RIOX1: variants seen among roughly 807,000 people sequenced by gnomAD.
The protein encoded by RIOX1 is 60S ribosomal protein L8 histidine hydroxylase.
A neutral mutation model predicts 44.6 loss-of-function variants in RIOX1; 33 were observed. The ratio of observed to expected loss-of-function variants is 0.74; its 90% confidence interval spans 0.56 to 0.99. The LOEUF (loss-of-function observed/expected upper bound fraction) is 0.99, where lower values mean the gene tolerates loss of function less well. RIOX1 is among the 50% of genes least tolerant of loss of function. The pLI, the probability that RIOX1 is intolerant of heterozygous loss-of-function variation, is 0.00. For synonymous variants in RIOX1, 387 were observed against 395.8 expected (o/e 0.98, Z 0.26); for missense variants, 821 against 871.7 (o/e 0.94, Z 0.73).
chr14:73,493,245 C>T lies in RIOX1; in HGVS notation c.*302C>T. ...GTGTACTGGGTAACACTGACCATGT[C>T]GTTCTGCTTGAGACAGATATTAGAT... On this transcript the variant is annotated 3_prime_UTR_variant, in exon 1 of 1. Transcript: ENST00000304061. 9.0e-6 allele frequency: 7 copies of T among 781,808 alleles called. No individual in the cohort carries two copies. The East Asian group carries it at 1.7e-4, about 20-fold the overall frequency. 48.4% of individuals were successfully genotyped at this position (781,808 alleles called of 1,614,324 possible).
Position 73,492,751 on chromosome 14 carries a change from T to C in RIOX1, c.1734T>C (p.His578=), listed in dbSNP as rs779248928. The C allele has an allele frequency of 3.1e-6, 5 of 1,613,968 alleles. No homozygotes were observed. Among genetic ancestry groups the C allele is most frequent in the Admixed American group, 1.7e-5 (1 of 59,998 alleles). ...CAGTGGAAAACTCCCGTGTGTATCA[T>C]CTGGAAGAACCCAAGTGCTTGGAAA... The part of the protein sequence containing the change: ...YYTVENSRVY[H]LEEPKCLEIY... Residue 578 remains histidine, a synonymous_variant, in exon 1 of 1, where the codon CAT becomes CAC. Coordinates refer to ENST00000304061, the MANE Select transcript of RIOX1 (RefSeq NM_024644.5). The surrounding 1 kb of genome is among the most constrained non-coding windows in gnomAD (Gnocchi z 4.9).
At position 73,492,407 on chromosome 14, in the gene RIOX1, G is replaced by T. The variant is rs752096493; in HGVS notation, c.1390G>T (p.Ala464Ser). The change falls in exon 1 of 1, where the codon GCC becomes TCC. Residue 464 changes from alanine to serine, a missense_variant. Coordinates refer to ENST00000304061, the MANE Select transcript of RIOX1 (RefSeq NM_024644.5). The surrounding 1 kb of genome is among the most constrained non-coding windows in gnomAD (Gnocchi z 4.9). ...CCGAGACTTCATGGATTACATGGGGGCCCAGCATTCAGATTCTAAGGATCC... is the reference window on the plus strand; with the variant it reads ...CCGAGACTTCATGGATTACATGGGGTCCCAGCATTCAGATTCTAAGGATCC... The part of the protein sequence containing the change: ...LPRDFMDYMG[A>S]QHSDSKDPRR... 3 of 1,613,810 alleles carry T rather than the reference G, an allele frequency of 1.9e-6. No individual in the cohort carries two copies. Among genetic ancestry groups the T allele is most frequent in the East Asian group, 4.5e-5 (2 of 44,872 alleles).
chr14:73,493,044 G>A lies in RIOX1; in HGVS notation c.*101G>A, dbSNP rs781714018. The A allele has an allele frequency of 1.3e-5, 21 of 1,583,746 alleles. No homozygotes were observed. The highest frequency in any genetic ancestry group is 1.8e-5 in the Non-Finnish European group (21 of 1,164,446). ...TAAACTCACGTTCTTACCTTGATAA[G>A]CATCAGTGTGCTCACATTTACCTTT... On this transcript the variant is annotated 3_prime_UTR_variant, in exon 1 of 1. Coordinates refer to ENST00000304061, the MANE Select transcript of RIOX1 (RefSeq NM_024644.5).
At position 73,492,892 on chromosome 14, in the gene RIOX1, G is replaced by T. The variant is rs3742846; in HGVS notation, c.1875G>T (p.Thr625=). ...AGGACCAGCTGTCCTTGGCAACCAC[G>T]TTGTATGATAAGGGGCTGCTGCTCA... ...SVEDQLSLAT[T]LYDKGLLLTK... is the part of the protein sequence containing the mutation. The change falls in exon 1 of 1, where the codon ACG becomes ACT. Residue 625 remains threonine (T), a synonymous_variant. Transcript: ENST00000304061. The surrounding 1 kb of genome is among the most constrained non-coding windows in gnomAD (Gnocchi z 4.9). The T allele has an allele frequency of 1.2e-6, 2 of 1,613,746 alleles. No homozygotes were observed. The highest frequency in any genetic ancestry group is 4.5e-5 in the East Asian group (2 of 44,884).
In RIOX1 at chr14:73,492,085, C is replaced by T; in HGVS notation, c.1068C>T (p.Leu356=). ...AFVLQLEGRK[L]WRVYRPRVPT... ...TGCTGCAGCTGGAAGGTAGGAAACTCTGGCGTGTATACCGACCCCGAGTCC... is the reference window on the plus strand; with the variant it reads ...TGCTGCAGCTGGAAGGTAGGAAACTTTGGCGTGTATACCGACCCCGAGTCC... Residue 356 remains leucine, a synonymous_variant, in exon 1 of 1, where the codon CTC becomes CTT. Coordinates refer to ENST00000304061, the MANE Select transcript of RIOX1 (RefSeq NM_024644.5). The surrounding 1 kb of genome is among the most constrained non-coding windows in gnomAD (Gnocchi z 4.9). 6.2e-7 allele frequency: 1 copy of T among 1,613,992 alleles called. No individual in the cohort carries two copies. The highest frequency in any genetic ancestry group is 8.5e-7 in the Non-Finnish European group (1 of 1,179,884).
At position 73,491,398 on chromosome 14, in the gene RIOX1, G is replaced by A. The variant is rs534669266; in HGVS notation, c.381G>A (p.Ala127=). Residue 127 remains alanine, a synonymous_variant, in exon 1 of 1, where the codon GCG becomes GCA. Transcript: ENST00000304061. ...TPSARLVPAS[A]PPARLVEVPA... ...CGGCGCGCCTGGTGCCCGCTTCCGC[G>A]CCGCCCGCGCGCCTGGTGGAGGTGC... 1 of 1,346,102 alleles carries A rather than the reference G, an allele frequency of 7.4e-7. No homozygotes were observed. The highest frequency in any genetic ancestry group is 2.7e-4 in the Middle Eastern group (1 of 3,708). The allele number at this position is 1,346,102 out of a possible 1,614,324, so 83.4% of individuals were successfully genotyped here. A position where few individuals can be genotyped will look rare whatever the true frequency, so the allele number is the denominator to read the frequency against.
Position 73,491,404 on chromosome 14 carries a change from C to A in RIOX1, c.387C>A (p.Pro129=). Reference sequence around the variant, plus strand: ...GCCTGGTGCCCGCTTCCGCGCCGCCCGCGCGCCTGGTGGAGGTGCCCGCCG... The same window carrying A: ...GCCTGGTGCCCGCTTCCGCGCCGCCAGCGCGCCTGGTGGAGGTGCCCGCCG... ...SARLVPASAP[P]ARLVEVPAAP... The change falls in exon 1 of 1, where the codon CCC becomes CCA. Residue 129 remains proline, a synonymous_variant. Transcript: ENST00000304061. 7.4e-7 allele frequency: 1 copy of A among 1,346,012 alleles called. No homozygotes were observed. Among genetic ancestry groups the A allele is most frequent in the Non-Finnish European group, 9.5e-7 (1 of 1,057,642 alleles). 83.4% of individuals were successfully genotyped at this position (1,346,012 alleles called of 1,614,324 possible).
Position 73,491,743 on chromosome 14 carries a change from C to A in RIOX1, c.726C>A (p.Phe242Leu). 6.4e-7 allele frequency: 1 copy of A among 1,555,918 alleles called. No individual in the cohort carries two copies. The highest frequency in any genetic ancestry group is 8.7e-7 in the Non-Finnish European group (1 of 1,149,946). Residue 242 changes from phenylalanine to leucine, a missense_variant, in exon 1 of 1, where the codon TTC (phenylalanine) becomes TTA (leucine). By Grantham distance (22) the Phe-to-Leu change is conservative. Around this residue, in one of 2 missense-constraint regions of RIOX1, gnomAD observed 554 missense variants for 531.2 expected, o/e 1.04. Coordinates refer to ENST00000304061, the MANE Select transcript of RIOX1 (RefSeq NM_024644.5). The stretch of plus-strand genomic sequence containing the variant: ...ACCACACCTACTACCAGGGACTTTT[C>A]TCTACCGCTGACCTGGATTCGATGC... ...RQDHTYYQGLFSTADLDSMLR... is the reference protein window; with the variant it reads ...RQDHTYYQGLLSTADLDSMLR...
In RIOX1 at chr14:73,492,412, G is replaced by C. The variant is rs1885830507; in HGVS notation, c.1395G>C (p.Gln465His). Residue 465 changes from glutamine to histidine, a missense_variant, in exon 1 of 1, where the codon CAG (glutamine) becomes CAC (histidine). This residue lies in a region of RIOX1 where 267 missense variants were observed against 340.5 expected (regional missense o/e 0.78). Transcript: ENST00000304061. The surrounding 1 kb of genome is among the most constrained non-coding windows in gnomAD (Gnocchi z 4.9). Reference sequence around the variant, plus strand: ...ACTTCATGGATTACATGGGGGCCCAGCATTCAGATTCTAAGGATCCGCGAA... The same window carrying C: ...ACTTCATGGATTACATGGGGGCCCACCATTCAGATTCTAAGGATCCGCGAA... ...PRDFMDYMGAQHSDSKDPRRT... is the reference protein window; with the variant it reads ...PRDFMDYMGAHHSDSKDPRRT... 3 of 1,613,746 alleles carry C rather than the reference G, an allele frequency of 1.9e-6. No individual in the cohort carries two copies. Among genetic ancestry groups the C allele is most frequent in the Admixed American group, 3.3e-5 (2 of 59,992 alleles).
Position 73,492,623 on chromosome 14 carries a change from G to A in RIOX1, c.1606G>A (p.Val536Ile). 1 of 1,614,024 alleles carries A rather than the reference G, an allele frequency of 6.2e-7. No individual in the cohort carries two copies. Among genetic ancestry groups the A allele is most frequent in the South Asian group, 1.1e-5 (1 of 91,078 alleles). The change falls in exon 1 of 1, where the codon GTA becomes ATA. Residue 536 changes from valine to isoleucine, a missense_variant. Physicochemically the swap from Val to Ile is conservative, Grantham distance 29 (BLOSUM62 3). Coordinates refer to ENST00000304061, the MANE Select transcript of RIOX1 (RefSeq NM_024644.5). This position sits in a 1 kb window ranked among gnomAD's most constrained non-coding sequence, Gnocchi z 4.9. ...LPIRWEAGEPVNVGAQLTTET... is the reference protein window; with the variant it reads ...LPIRWEAGEPINVGAQLTTET... ...AATTCGCTGGGAGGCTGGAGAACCT[G>A]TAAACGTGGGGGCCCAGTTGACAAC... is the stretch of plus-strand genomic sequence containing the variant.
At position 73,493,063 on chromosome 14, in the gene RIOX1, T is replaced by C. The variant is rs771660018; in HGVS notation, c.*120T>C. 5.0e-6 allele frequency: 8 copies of C among 1,612,752 alleles called. No individual in the cohort carries two copies. Among genetic ancestry groups the C allele is most frequent in the Non-Finnish European group, 6.8e-6 (8 of 1,179,326 alleles). On this transcript the variant is annotated 3_prime_UTR_variant, in exon 1 of 1. Coordinates refer to ENST00000304061, the MANE Select transcript of RIOX1 (RefSeq NM_024644.5). ...TGATAAGCATCAGTGTGCTCACATT[T>C]ACCTTTATCACTGCTTCAGTGTCAC...
chr14:73,491,507 CCTGCGACGGCGT>C lies in RIOX1; in HGVS notation c.492_503del (p.Ala165_Ser168del), dbSNP rs538565606. ...AGCGGCCGTCCAGTCGTCCGGGGCCCCTGCGACGGCGTCGGGGCCGCAGGTGGATAACACGGG... is the reference window on the plus strand; with the variant it reads ...AGCGGCCGTCCAGTCGTCCGGGGCCCCGGGGCCGCAGGTGGATAACACGGG... On this transcript the variant is annotated inframe_deletion, in exon 1 of 1. Transcript: ENST00000304061. 2,089 of 1,515,122 alleles carry C rather than the reference CCTGCGACGGCGT, an allele frequency of 1.4e-3. 28 individuals carry two copies. The African/African-American group carries it at 0.026, about 19-fold the overall frequency. 93.9% of individuals were successfully genotyped at this position (1,515,122 alleles called of 1,614,324 possible).
chr14:73,491,363 C>T lies in RIOX1; in HGVS notation c.346C>T (p.Gln116Ter), dbSNP rs1176658515. 1 of 1,376,270 alleles carries T rather than the reference C, an allele frequency of 7.3e-7. No homozygotes were observed. The highest frequency in any genetic ancestry group is 9.3e-7 in the Non-Finnish European group (1 of 1,069,912). 85.3% of individuals were successfully genotyped at this position (1,376,270 alleles called of 1,614,324 possible). ...GGCCTCGCCCGCCGCGCGCTCCCTG[C>T]AGACCCCGTCGGCGCGCCTGGTGCC... Reference protein sequence around the residue: ...LEASPAARSLQTPSARLVPAS... With the variant: ...LEASPAARSL Residue 116 changes from glutamine (Q) to a stop codon, truncating the protein, a stop_gained, in exon 1 of 1, where the codon CAG becomes TAG. Coordinates refer to ENST00000304061, the MANE Select transcript of RIOX1 (RefSeq NM_024644.5). LOFTEE classifies it high-confidence loss of function.
Position 73,491,229 on chromosome 14 carries a change from C to T in RIOX1, c.212C>T (p.Thr71Met). ...TCGGAGGAATCGAGGGTGGAGTCGACGGCCGACGACCTGGGGGACGCGCTA... is the reference window on the plus strand; with the variant it reads ...TCGGAGGAATCGAGGGTGGAGTCGATGGCCGACGACCTGGGGGACGCGCTA... ...ENSEESRVES[T>M]ADDLGDALPG... Residue 71 changes from threonine (T) to methionine (M), a missense_variant, in exon 1 of 1, where the codon ACG (threonine) becomes ATG (methionine). Around this residue, in one of 2 missense-constraint regions of RIOX1, gnomAD observed 554 missense variants for 531.2 expected, o/e 1.04. Coordinates refer to ENST00000304061, the MANE Select transcript of RIOX1 (RefSeq NM_024644.5). 1.3e-6 allele frequency: 2 copies of T among 1,590,106 alleles called. No individual in the cohort carries two copies. The highest frequency in any genetic ancestry group is 2.3e-5 in the East Asian group (1 of 43,690).
rs200766349 is a variant in RIOX1, at chr14:73,491,937, C to G, written c.920C>G (p.Thr307Ser). Residue 307 changes from threonine (T) to serine (S), a missense_variant, in exon 1 of 1, where the codon ACT becomes AGT. Transcript: ENST00000304061. Reference protein sequence around the residue: ...RLLCPQAFSTTVWQFLAVLQE... With the variant: ...RLLCPQAFSTSVWQFLAVLQE... ...CTCTGTCCGCAGGCTTTCTCTACTA[C>G]TGTGTGGCAGTTTTTGGCTGTGCTT... 5.2e-4 allele frequency: 835 copies of G among 1,613,688 alleles called. No homozygotes were observed. The highest frequency in any genetic ancestry group is 6.7e-4 in the Non-Finnish European group (796 of 1,179,814).
Position 73,491,394 on chromosome 14 carries a change from C to A in RIOX1, c.377C>A (p.Ser126Tyr). ...CCGTCGGCGCGCCTGGTGCCCGCTT[C>A]CGCGCCGCCCGCGCGCCTGGTGGAG... Reference protein sequence around the residue: ...QTPSARLVPASAPPARLVEVP... With the variant: ...QTPSARLVPAYAPPARLVEVP... Residue 126 changes from serine (S) to tyrosine (Y), a missense_variant, in exon 1 of 1, where the codon TCC becomes TAC. This residue lies in a region of RIOX1 where 554 missense variants were observed against 531.2 expected (regional missense o/e 1.04). Coordinates refer to ENST00000304061, the MANE Select transcript of RIOX1 (RefSeq NM_024644.5). 2 of 1,349,034 alleles carry A rather than the reference C, an allele frequency of 1.5e-6. No individual in the cohort carries two copies. The highest frequency in any genetic ancestry group is 1.9e-6 in the Non-Finnish European group (2 of 1,059,118). The allele number at this position is 1,349,034 out of a possible 1,614,324, so 83.6% of individuals were successfully genotyped here.
rs1275016975 is a variant in RIOX1, at chr14:73,491,735, G to A, written c.718G>A (p.Gly240Arg). The A allele has an allele frequency of 6.4e-7, 1 of 1,554,072 alleles. No individual in the cohort carries two copies. The highest frequency in any genetic ancestry group is 8.7e-7 in the Non-Finnish European group (1 of 1,148,940). The change falls in exon 1 of 1, where the codon GGA (glycine) becomes AGA (arginine). Residue 240 changes from glycine to arginine, a missense_variant. Gly to Arg is a moderately radical substitution (Grantham distance 125). Transcript: ENST00000304061. Reference protein sequence around the residue: ...VRRQDHTYYQGLFSTADLDSM... With the variant: ...VRRQDHTYYQRLFSTADLDSM... Reference sequence around the variant, plus strand: ...GCGGCAGGACCACACCTACTACCAGGGACTTTTCTCTACCGCTGACCTGGA... The same window carrying A: ...GCGGCAGGACCACACCTACTACCAGAGACTTTTCTCTACCGCTGACCTGGA...
At position 73,493,065 on chromosome 14, in the gene RIOX1, C is replaced by G; in HGVS notation, c.*122C>G. Reference sequence around the variant, plus strand: ...ATAAGCATCAGTGTGCTCACATTTACCTTTATCACTGCTTCAGTGTCACAA... The same window carrying G: ...ATAAGCATCAGTGTGCTCACATTTAGCTTTATCACTGCTTCAGTGTCACAA... On this transcript the variant is annotated 3_prime_UTR_variant, in exon 1 of 1. Transcript: ENST00000304061. 1 of 1,604,048 alleles carries G rather than the reference C, an allele frequency of 6.2e-7. No individual in the cohort carries two copies. The highest frequency in any genetic ancestry group is 8.5e-7 in the Non-Finnish European group (1 of 1,177,150).
Position 73,491,892 on chromosome 14 carries a change from C to T in RIOX1, c.875C>T (p.Ala292Val), listed in dbSNP as rs1403675919. The change falls in exon 1 of 1, where the codon GCC becomes GTC. Residue 292 changes from alanine to valine, a missense_variant. This residue lies in a region of RIOX1 where 554 missense variants were observed against 531.2 expected (regional missense o/e 1.04). Coordinates refer to ENST00000304061, the MANE Select transcript of RIOX1 (RefSeq NM_024644.5). Reference protein sequence around the residue: ...LPAAAWSLYQAGCSLRLLCPQ... With the variant: ...LPAAAWSLYQVGCSLRLLCPQ... ...GCCGCCGCGTGGTCCCTGTACCAGG[C>T]CGGCTGCTCCCTGCGTCTCCTCTGT... 3 of 1,611,562 alleles carry T rather than the reference C, an allele frequency of 1.9e-6. No homozygotes were observed. The highest frequency in any genetic ancestry group is 1.1e-5 in the South Asian group (1 of 90,878).
Sources: allele counts gnomAD v4.1 joint callset, GRCh38; gene constraint gnomAD v4.1.1; regional missense constraint gnomAD v4.1.1; non-coding constraint Gnocchi (gnomAD v3.1); transcripts MANE v1.5; gene names NCBI Gene and HGNC (gene_info 2026-07-23, HGNC 2026-07-21).